SEC31A: variants seen among roughly 807,000 people sequenced by gnomAD.
SEC31A encodes the protein SEC31 homolog A, COPII component, also known as protein transport protein Sec31A.
In SEC31A, 70 loss-of-function variants were observed where a neutral mutation model predicts 151.0. That is an observed-to-expected ratio of 0.46 (90% confidence interval 0.38 to 0.57). The LOEUF (loss-of-function observed/expected upper bound fraction) is 0.57. Ranked by LOEUF, SEC31A falls within the 20% of genes least tolerant of loss-of-function variation. The pLI is 0.00. For missense variants in SEC31A, 1,330 were observed against 1,471.2 expected (o/e 0.90, Z 1.57); for synonymous variants, 475 against 505.9 (o/e 0.94, Z 0.82).
chr4:82,875,713 C>G lies in SEC31A; in HGVS notation c.498+14G>C, dbSNP rs766793666. The G allele has an allele frequency of 2.7e-6, 4 of 1,492,278 alleles. No homozygotes were observed. Among genetic ancestry groups the G allele is most frequent in the South Asian group, 1.2e-5 (1 of 84,576 alleles). 92.4% of individuals were successfully genotyped at this position (1,492,278 alleles called of 1,614,324 possible). ...CTTTTTTGATTACAATGATCAAAAT[C>G]AATATAAAAATACCTGTGTTTTGGC... On this transcript the variant is annotated intron_variant, in intron 5 of 26. Transcript: ENST00000395310.
Position 82,881,899 on chromosome 4 carries a change from G to T in SEC31A, c.38C>A (p.Ala13Glu). The change falls in exon 2 of 27, where the codon GCA becomes GAA. Residue 13 changes from alanine (A) to glutamate (E), a missense_variant. Transcript: ENST00000395310. ...LKEVDRTAMQAWSPAQNHPIY... is the reference protein window; with the variant it reads ...LKEVDRTAMQEWSPAQNHPIY... ...GGGGTGATTCTGGGCAGGGCTCCAT[G>T]CCTGCATGGCTGTACGATCTACTTC... 8 of 1,614,150 alleles carry T rather than the reference G, an allele frequency of 5.0e-6. No individual in the cohort carries two copies. Among genetic ancestry groups the T allele is most frequent in the Non-Finnish European group, 6.8e-6 (8 of 1,179,980 alleles).
Position 82,853,285 on chromosome 4 carries a change from C to T in SEC31A, c.2154+285G>A, listed in dbSNP as rs770172391. Among the ~76,000 whole-genome samples the T allele has an allele frequency of 1.1e-4, 17 of 152,274 alleles. No homozygotes were observed. In the East Asian group the frequency reaches 2.9e-3, roughly 26 times the overall value. ...CACTGGAAGCAGACAGAGGAGCACA[C>T]AGAAAAAGAGGTAAACCCTAGAGCT... On this transcript the variant is annotated intron_variant, in intron 18 of 26. Coordinates refer to ENST00000395310, the MANE Select transcript of SEC31A (RefSeq NM_001077207.4).
chr4:82,881,802 G>A, intron 2 of SEC31A, 56 bp downstream of exon 2: 2 of 1,310,270 alleles, frequency 1.5e-6, no homozygotes, highest in South Asian at 2.4e-5. Flanking sequence ...GAATAAGCTA[G>A]GTGCAGAAGA....
At chr4:82,869,757 T>C (rs1736241049) in intron 8 of SEC31A, among the ~76,000 whole-genome samples, 1 of 152,208 alleles carries the variant, frequency 6.6e-6, no homozygotes, top group Admixed American at 6.5e-5. Flanking sequence ...GTTTTAATTT[T>C]AACAATATAG....
At chr4:82,871,396 G>A in intron 7 of SEC31A, 1 of 1,525,870 alleles carries the variant, frequency 6.6e-7, no homozygotes, top group Non-Finnish European at 8.8e-7. Flanking sequence ...TCTAACTGCA[G>A]TAAGTCGTTA....
intron 22 of SEC31A, among the ~76,000 whole-genome samples, chr4:82,836,372 CAAAAA>C (rs70943158): frequency 6.4e-5 from 4 of 62,116 alleles, no homozygotes; most frequent in East Asian, 3.9e-4. Context: ...GACTCCATCT[CAAAAA>C]AAAAAAAAAA....
chr4:82,890,444 C>T (rs1020229440), intron 1 of SEC31A, among the ~76,000 whole-genome samples: 2 of 152,164 alleles, frequency 1.3e-5, no homozygotes, highest in African/African-American at 4.8e-5. Context: ...AAAATTAATT[C>T]CTTAAGCGCA....
chr4:82,820,931 A>C, intron 26 of SEC31A, 106 bp downstream of exon 26: 1 of 838,782 alleles, frequency 1.2e-6, no homozygotes, highest in South Asian at 1.5e-5. Context: ...AAATGTCATG[A>C]CAATTTTGCC....
At chr4:82,862,092 T>C (rs958122253) in intron 13 of SEC31A, among the ~76,000 whole-genome samples, 4 of 151,622 alleles carry the variant, frequency 2.6e-5, no homozygotes, top group African/African-American at 9.7e-5. Context: ...TTTGTATTTT[T>C]AGTAGAGACA....
chr4:82,853,474 T>C (rs942739822), intron 18 of SEC31A, 96 bp downstream of exon 18: 22 of 1,054,854 alleles, frequency 2.1e-5, no homozygotes, highest in Non-Finnish European at 1.1e-5. Context: ...AGTTCTTGAA[T>C]GTATAGAAAA....
chr4:82,896,023 C>G (rs1025904723), upstream of SEC31A, among the ~76,000 whole-genome samples: 1 of 152,110 alleles, frequency 6.6e-6, no homozygotes, highest in Non-Finnish European at 1.5e-5. Flanking sequence ...CAGTTAAGAC[C>G]TCCAATTTTA....
At chr4:82,880,622 C>A (rs1479232348) in intron 3 of SEC31A, 177 bp downstream of exon 3, 8 of 487,052 alleles carry the variant, frequency 1.6e-5, no homozygotes, top group Middle Eastern at 5.5e-4. Context: ...GTCAATAGAA[C>A]ACATAAACAC....
intron 1 of SEC31A, among the ~76,000 whole-genome samples, chr4:82,883,988 CTTTTTTT>C (rs11373334): frequency 7.9e-6 from 1 of 125,968 alleles, no homozygotes; most frequent in Non-Finnish European, 1.6e-5. Context: ...CTTTTCTATT[CTTTTTTT>C]TTTTTTTTTG....
At chr4:82,856,113 T>C (rs1331564035) in intron 16 of SEC31A, among the ~76,000 whole-genome samples, 1 of 152,088 alleles carries the variant, frequency 6.6e-6, no homozygotes, top group Admixed American at 6.6e-5. Context: ...AAGGGAAACA[T>C]TACATCTTCT....
chr4:82,856,309 TC>T (rs1732638580), intron 16 of SEC31A, among the ~76,000 whole-genome samples: 1 of 151,396 alleles, frequency 6.6e-6, no homozygotes, highest in Non-Finnish European at 1.5e-5. Context: ...CACCACCACA[TC>T]CGGTTAATTT....
At chr4:82,826,786 T>C (rs1214598151) in intron 24 of SEC31A, among the ~76,000 whole-genome samples, 1 of 152,262 alleles carries the variant, frequency 6.6e-6, no homozygotes, top group Admixed American at 6.5e-5. Context: ...GGAGCTTGTT[T>C]CATCTTCTTA....
At position 82,854,924 on chromosome 4, in the gene SEC31A, C is replaced by A. The variant is rs1490558971; in HGVS notation, c.1987G>T (p.Asp663Tyr). ...LAAVLTYAKP[D>Y]EFSALCDLLG... ...TTACCACAAAGGGCTGAAAATTCAT[C>A]CGGCTTTGCATAAGTCAATACTGCA... Residue 663 changes from aspartate (D) to tyrosine (Y), a missense_variant, in exon 17 of 27, where the codon GAT becomes TAT. Coordinates refer to ENST00000395310, the MANE Select transcript of SEC31A (RefSeq NM_001077207.4). The A allele has an allele frequency of 3.1e-6, 5 of 1,612,688 alleles. No individual in the cohort carries two copies. The Admixed American group carries it at 8.4e-5, about 27-fold the overall frequency.
At chr4:82,865,752 G>C (rs1272712766) in intron 10 of SEC31A, among the ~76,000 whole-genome samples, 1 of 151,994 alleles carries the variant, frequency 6.6e-6, no homozygotes, top group African/African-American at 2.4e-5. Flanking sequence ...TAGCAACAAA[G>C]TAGAATGTGG....
chr4:82,829,303 A>T (rs1030349140), intron 22 of SEC31A: 11 of 388,008 alleles, frequency 2.8e-5, no homozygotes, highest in Admixed American at 1.9e-4. Context: ...AAAGTAAAAG[A>T]GTGTGCTAAA....
Sources: allele counts gnomAD v4.1 joint callset (sites outside exome capture counted in the v4.1 genomes callset), GRCh38; gene constraint gnomAD v4.1.1; transcripts MANE v1.5; gene names NCBI Gene and HGNC (gene_info 2026-07-23, HGNC 2026-07-21).